Variants in ABCB1 observed in about 807,000 individuals in gnomAD.
ABCB1 encodes the protein ATP-dependent translocase ABCB1.
Under a neutral mutation model 142.0 loss-of-function variants are expected in ABCB1, and 69 were observed. The ratio of observed to expected loss-of-function variants is 0.49; its 90% CI spans 0.40 to 0.59. The LOEUF (loss-of-function observed/expected upper bound fraction) is 0.59, where lower values mean the gene tolerates loss of function less well. ABCB1 is among the 20% of genes least tolerant of loss of function. The pLI is 0.00. For synonymous variants in ABCB1, 532 were observed against 539.2 expected, an observed-to-expected ratio of 0.99 and a Z score of 0.18; for missense variants, 1,326 against 1,554.7, an observed-to-expected ratio of 0.85 and a Z score of 2.47.
At chr7:87,546,572 A>G (rs540535636) in intron 14 of ABCB1, among the ~76,000 whole-genome samples, 2 of 144,998 alleles carry the variant, frequency 1.4e-5, no homozygotes, top group Admixed American at 1.4e-4. Flanking sequence ...AAAAAATAAA[A>G]AATAAAAAAA....
At chr7:87,677,235 T>C (rs908434870) in intron 1 of ABCB1, among the ~76,000 whole-genome samples, 6 of 150,136 alleles carry the variant, frequency 4.0e-5, no homozygotes, top group Admixed American at 1.3e-4. Flanking sequence ...CCTAAGTAGC[T>C]GTCAACAGAA....
At chr7:87,568,632 A>G (rs1285237037) in intron 5 of ABCB1, among the ~76,000 whole-genome samples, 1 of 152,226 alleles carries the variant, frequency 6.6e-6, no homozygotes, top group African/African-American at 2.4e-5. Flanking sequence ...TTCACAATTC[A>G]GCACTCAGCC....
intron 1 of ABCB1, among the ~76,000 whole-genome samples, chr7:87,682,800 A>C (rs1827056495): frequency 6.6e-6 from 1 of 152,218 alleles, no homozygotes; most frequent in Non-Finnish European, 1.5e-5. Context: ...ATTGGCTTCA[A>C]CTTAAAGCCA....
chr7:87,541,072 C>T (rs1816511876), intron 18 of ABCB1, among the ~76,000 whole-genome samples: 1 of 152,156 alleles, frequency 6.6e-6, no homozygotes. Context: ...CTCCCCCACA[C>T]CCCATTTTGA....
At chr7:87,649,845 A>G (rs1364463490) in intron 1 of ABCB1, among the ~76,000 whole-genome samples, 1 of 152,256 alleles carries the variant, frequency 6.6e-6, no homozygotes, top group East Asian at 1.9e-4. Context: ...AAGTCTCACA[A>G]GATTTGATAG....
intron 4 of ABCB1, 38 bp from the exon 5 acceptor site, chr7:87,570,261 T>C: frequency 6.4e-7 from 1 of 1,553,668 alleles, no homozygotes; most frequent in Non-Finnish European, 8.9e-7. Context: ...TTTATGTCTC[T>C]TTAGTCTCCA....
chr7:87,540,784 C>T (rs907407513), intron 18 of ABCB1, among the ~76,000 whole-genome samples: 1 of 152,168 alleles, frequency 6.6e-6, no homozygotes, highest in East Asian at 1.9e-4. Context: ...TAATTCCTTG[C>T]CATTTCATTT....
chr7:87,530,027 A>AC (rs1815962721), intron 21 of ABCB1, among the ~76,000 whole-genome samples: 1 of 152,146 alleles, frequency 6.6e-6, no homozygotes, highest in African/African-American at 2.4e-5. Context: ...TCCAGAGGGA[A>AC]CCCCCCAAAA....
upstream of ABCB1, among the ~76,000 whole-genome samples, chr7:87,604,530 G>A (rs140552375): frequency 6.6e-5 from 10 of 152,064 alleles, no homozygotes; most frequent in African/African-American, 2.2e-4. Context: ...TGATGATAGG[G>A]GATATTAAAT....
Position 87,561,338 on chromosome 7 carries a change from C to T in ABCB1, c.752G>A (p.Gly251Glu). 1 of 1,613,872 alleles carries T rather than the reference C, an allele frequency of 6.2e-7. No homozygotes were observed. ...DKELLAYAKA[G>E]AVAEEVLAAI... ...TGCCAAGACCTCTTCAGCTACTGCTCCAGCTTTTGCATACGCTAAGAGTTC... is the reference window on the plus strand; with the variant it reads ...TGCCAAGACCTCTTCAGCTACTGCTTCAGCTTTTGCATACGCTAAGAGTTC... The change falls in exon 8 of 28, where the codon GGA becomes GAA. Residue 251 changes from glycine (G) to glutamate (E), a missense_variant. Coordinates refer to ENST00000622132, the MANE Select transcript of ABCB1 (RefSeq NM_001348946.2).
At chr7:87,576,854 C>T (rs950276798) in intron 4 of ABCB1, among the ~76,000 whole-genome samples, 2 of 151,936 alleles carry the variant, frequency 1.3e-5, no homozygotes, top group African/African-American at 2.4e-5. Flanking sequence ...ATAATAATCA[C>T]ATTAGGGTGA....
intron 8 of ABCB1, among the ~76,000 whole-genome samples, chr7:87,554,711 GCTGAA>G (rs1215580428): frequency 6.6e-6 from 1 of 152,166 alleles, no homozygotes; most frequent in Non-Finnish European, 1.5e-5. Context: ...GCTGCCAGCT[GCTGAA>G]CTAACAGGAT....
intron 3 of ABCB1, among the ~76,000 whole-genome samples, chr7:87,589,784 A>C (rs575865866): frequency 2.1e-5 from 3 of 143,598 alleles, no homozygotes; most frequent in African/African-American, 8.6e-5. Context: ...AGACCTAAAA[A>C]AAGAAAGAGA....
At chr7:87,647,832 A>G (rs940016721) in intron 1 of ABCB1, among the ~76,000 whole-genome samples, 10 of 152,288 alleles carry the variant, frequency 6.6e-5, no homozygotes, top group Non-Finnish European at 1.5e-4. Context: ...GCATCTGAAA[A>G]TGGATAATCA....
intron 1 of ABCB1, among the ~76,000 whole-genome samples, chr7:87,700,943 C>A (rs971234179): frequency 6.6e-6 from 1 of 152,194 alleles, no homozygotes; most frequent in African/African-American, 2.4e-5. Context: ...GTCTTGAGTT[C>A]TTCCCCACCA....
upstream of ABCB1, among the ~76,000 whole-genome samples, chr7:87,604,476 C>T (rs1481491140): frequency 6.6e-6 from 1 of 151,690 alleles, no homozygotes; most frequent in Non-Finnish European, 1.5e-5. Flanking sequence ...TCCACACACT[C>T]TCCACCCTTT....
At chr7:87,674,580 T>C (rs1195852686) in intron 1 of ABCB1, among the ~76,000 whole-genome samples, 2 of 152,046 alleles carry the variant, frequency 1.3e-5, no homozygotes, top group African/African-American at 2.4e-5. Context: ...AAATAGTATA[T>C]GCCAGTAAAG....
At chr7:87,615,994 C>A (rs1441118312) in intron 1 of ABCB1, among the ~76,000 whole-genome samples, 1 of 152,144 alleles carries the variant, frequency 6.6e-6, no homozygotes, top group Non-Finnish European at 1.5e-5. Flanking sequence ...TTTGCTAATA[C>A]TTAAGTTCAT....
chr7:87,703,936 T>TTTTTTTTTTTTG, intron 1 of ABCB1, among the ~76,000 whole-genome samples: 1 of 127,340 alleles, frequency 7.9e-6, no homozygotes, highest in Non-Finnish European at 1.6e-5. Context: ...TTTTTTTTTT[T>TTTTTTTTTTTTG]TTTTGAGACA....
Sources: gnomAD v4.1 joint callset for allele counts (sites outside exome capture counted in the v4.1 genomes callset) on GRCh38, gnomAD v4.1.1 for gene constraint, MANE v1.5 for transcripts, NCBI Gene and HGNC (gene_info 2026-07-23, HGNC 2026-07-21) for gene names.